Variants in ATP2B2 observed in about 807,000 individuals in gnomAD.
ATP2B2 encodes plasma membrane calcium-transporting ATPase 2.
A neutral mutation model predicts 120.0 loss-of-function variants in ATP2B2; 15 were observed. The ratio of observed to expected loss-of-function variants is 0.12; its 90% CI spans 0.08 to 0.19. The LOEUF (loss-of-function observed/expected upper bound fraction) is 0.19, where lower values mean the gene tolerates loss of function less well. Ranked by LOEUF, ATP2B2 falls within the 10% of genes least tolerant of loss-of-function variation. The probability of loss-of-function intolerance (pLI) is 1.00; values close to 1 mark genes in which losing one functional copy is unlikely to be tolerated. For missense variants in ATP2B2, 1,045 were observed against 1,719.8 expected (o/e 0.61, Z 6.94); for synonymous variants, 694 against 700.3 (o/e 0.99, Z 0.14).
At chr3:10,526,367 C>A (rs933208076) in intron 3 of ATP2B2, among the ~76,000 whole-genome samples, 3 of 152,226 alleles carry the variant, frequency 2.0e-5, no homozygotes, top group Non-Finnish European at 4.4e-5. Flanking sequence ...GGGTTCCAAT[C>A]ATTCCCTATT....
chr3:10,341,830 A>C (rs7637850), intron 19 of ATP2B2, among the ~76,000 whole-genome samples: 1 of 152,088 alleles, frequency 6.6e-6, no homozygotes, highest in Non-Finnish European at 1.5e-5. Flanking sequence ...AAGCTTTTTC[A>C]TGATAAGTTT....
rs1435698917 is a variant in ATP2B2 at position 10,350,665 on chromosome 3, CA to C, written c.2137-89del. On this transcript the variant is annotated intron_variant, in intron 14 of 22. Coordinates refer to ENST00000360273, the MANE Select transcript of ATP2B2 (RefSeq NM_001001331.4). Reference sequence around the variant, plus strand: ...ATGGATTCCAGAGGAGCCCTTCTCACAGGCAGCTCTACTGAAAGGGGACTAG... The same window carrying C: ...ATGGATTCCAGAGGAGCCCTTCTCACGGCAGCTCTACTGAAAGGGGACTAG... 8.4e-6 allele frequency: 12 copies of C among 1,421,782 alleles called. No homozygotes were observed. The East Asian group carries it at 2.1e-4, about 25-fold the overall frequency. The allele number at this position is 1,421,782 out of a possible 1,614,324, so 88.1% of individuals were successfully genotyped here.
At chr3:10,673,103 G>A (rs567516886) in intron 1 of ATP2B2, among the ~76,000 whole-genome samples, 2 of 152,296 alleles carry the variant, frequency 1.3e-5, no homozygotes, top group South Asian at 4.1e-4. Context: ...AATGTTGTGA[G>A]GCTTAAGATG....
In ATP2B2 at chr3:10,520,274, C is replaced by T. The variant is rs372312534; in HGVS notation, c.-320+13765G>A. On this transcript the variant is annotated intron_variant, in intron 3 of 21. Transcript: ENST00000646379. Reference sequence around the variant, plus strand: ...AGCTCAGGGGCCTGGAGGGAGAGGCCCAGGTGTTGGAGCCAGTGCTGGAGC... The same window carrying T: ...AGCTCAGGGGCCTGGAGGGAGAGGCTCAGGTGTTGGAGCCAGTGCTGGAGC... Among the ~76,000 whole-genome samples the T allele has an allele frequency of 7.9e-5, 12 of 152,162 alleles. No individual in the cohort carries two copies. The East Asian group carries it at 1.9e-3, about 25-fold the overall frequency.
intron 2 of ATP2B2, among the ~76,000 whole-genome samples, chr3:10,442,246 T>C (rs1005634496): frequency 2.6e-5 from 4 of 152,120 alleles, no homozygotes; most frequent in Admixed American, 2.6e-4. Flanking sequence ...AACCCATCTC[T>C]TCTACCACCT....
At chr3:10,459,040 C>A (rs190165554) in intron 1 of ATP2B2, among the ~76,000 whole-genome samples, 1 of 152,218 alleles carries the variant, frequency 6.6e-6, no homozygotes, top group Non-Finnish European at 1.5e-5. Context: ...GGCTTCCCTG[C>A]TGCTGCCTTG....
At chr3:10,370,332 G>C (rs1168308112) in intron 12 of ATP2B2, among the ~76,000 whole-genome samples, 1 of 152,266 alleles carries the variant, frequency 6.6e-6, no homozygotes, top group Admixed American at 6.5e-5. Context: ...CTCTCTGCCA[G>C]GTCTGCAGGA....
At chr3:10,335,201 T>A (rs1015221674) in intron 22 of ATP2B2, among the ~76,000 whole-genome samples, 2 of 152,190 alleles carry the variant, frequency 1.3e-5, no homozygotes, top group Non-Finnish European at 2.9e-5. Flanking sequence ...CTGAAGGGCA[T>A]ATCAGGTCCC....
At chr3:10,530,459 A>C (rs932783511) in intron 3 of ATP2B2, among the ~76,000 whole-genome samples, 16 of 152,182 alleles carry the variant, frequency 1.1e-4, no homozygotes, top group Non-Finnish European at 7.4e-5. Flanking sequence ...TTCCTCCCCA[A>C]GTGAGGCCTA....
At chr3:10,646,973 C>T (rs17033278) in intron 1 of ATP2B2, among the ~76,000 whole-genome samples, 46,334 of 151,980 alleles carry the variant, frequency 0.3, 10,523 homozygotes, top group African/African-American at 0.63. Context: ...GAGGTTGGCA[C>T]AGCAGGATGT....
In ATP2B2 at chr3:10,512,461, T is replaced by TGCGCGCGCGC. The variant is rs146088719; in HGVS notation, c.-320+21577_-320+21578insGCGCGCGCGC. ...GCATATTCCTGGGTGCTAAAGTGTG[T>TGCGCGCGCGC]GCGCACACACACACACACACACACA... On this transcript the variant is annotated intron_variant, in intron 3 of 21. Coordinates refer to the ATP2B2 transcript ENST00000646379. 2.4e-4 allele frequency among the ~76,000 whole-genome samples: 25 copies of TGCGCGCGCGC among 102,976 alleles called. No individual in the cohort carries two copies. In the East Asian group the frequency reaches 5.0e-3, roughly 21 times the overall value. 67.6% of individuals were successfully genotyped at this position (102,976 alleles called of 152,430 possible). A position where few individuals can be genotyped will look rare whatever the true frequency, so the allele number is the denominator to read the frequency against.
chr3:10,417,792 A>T (rs34917), intron 2 of ATP2B2, among the ~76,000 whole-genome samples: 1 of 151,868 alleles, frequency 6.6e-6, no homozygotes, highest in Non-Finnish European at 1.5e-5. Flanking sequence ...GTGAGGGTTG[A>T]TCAGATGAAG....
rs1241759334 is a variant in ATP2B2 at position 10,343,338 on chromosome 3, C to T, written c.2704-373G>A. ...CCACCGCCTCCGGCATGGGCTCCTA[C>T]CTCCTCCCCCCACTGCCTCCTCCCC... On this transcript the variant is annotated intron_variant, in intron 18 of 22. Coordinates refer to ENST00000360273, the MANE Select transcript of ATP2B2 (RefSeq NM_001001331.4). This position sits in a 1 kb window ranked among gnomAD's most constrained non-coding sequence, Gnocchi z 4.2. Among the ~76,000 whole-genome samples the T allele has an allele frequency of 4.6e-5, 7 of 151,868 alleles. 1 individual carries two copies. The highest frequency in any genetic ancestry group is 4.2e-4 in the South Asian group (2 of 4,806).
At chr3:10,548,658 C>G (rs1426431173) in intron 2 of ATP2B2, among the ~76,000 whole-genome samples, 1 of 152,192 alleles carries the variant, frequency 6.6e-6, no homozygotes, top group African/African-American at 2.4e-5. Flanking sequence ...ACACCTTGTT[C>G]CCTTTCCTGT....
chr3:10,394,994 G>A (rs1356447316), intron 5 of ATP2B2, among the ~76,000 whole-genome samples: 1 of 152,190 alleles, frequency 6.6e-6, no homozygotes, highest in Non-Finnish European at 1.5e-5. Flanking sequence ...CAGAGCTGGG[G>A]TCTGGCTTCC....
At chr3:10,386,948 A>G (rs554972877) in intron 6 of ATP2B2, among the ~76,000 whole-genome samples, 352 of 152,290 alleles carry the variant, frequency 2.3e-3, no homozygotes, top group Non-Finnish European at 4.4e-3. Context: ...CCCTGCTAGC[A>G]TTTTAAAAAC....
intron 1 of ATP2B2, among the ~76,000 whole-genome samples, chr3:10,661,882 G>A (rs1366080349): frequency 6.6e-6 from 1 of 152,180 alleles, no homozygotes; most frequent in South Asian, 2.1e-4. Flanking sequence ...AAACAGCATA[G>A]TACTGGTACC....
At position 10,672,234 on chromosome 3, in the gene ATP2B2, C is replaced by T. The variant is rs187355872; in HGVS notation, c.-460+35681G>A. On this transcript the variant is annotated intron_variant, in intron 1 of 21. Transcript: ENST00000646379. ...AACACAAGTCAGTACAGCTTTCCAA[C>T]CTCCTGGCGCTCCAGCTTCCAAGCC... Among the ~76,000 whole-genome samples the T allele has an allele frequency of 3.9e-5, 6 of 152,332 alleles. No homozygotes were observed. The East Asian group carries it at 1.2e-3, about 29-fold the overall frequency.
At chr3:10,565,466 G>A (rs1426148317) in intron 2 of ATP2B2, among the ~76,000 whole-genome samples, 1 of 152,060 alleles carries the variant, frequency 6.6e-6, no homozygotes, top group African/African-American at 2.4e-5. Flanking sequence ...TGCCTCCTTG[G>A]CCATATCTCT....
Sources: gnomAD v4.1 joint callset for allele counts (sites outside exome capture counted in the v4.1 genomes callset) on GRCh38, gnomAD v4.1.1 for gene constraint, Gnocchi (gnomAD v3.1) non-coding constraint, MANE v1.5 for transcripts, NCBI Gene and HGNC (gene_info 2026-07-23, HGNC 2026-07-21) for gene names.